The following PDZD9 variants were observed in gnomAD, a reference collection of about 807,000 sequenced individuals.
PDZD9 encodes the protein PDZ domain-containing protein 9.
PDZD9 carries 13 observed loss-of-function variants against 16.3 expected under a neutral mutation model. The ratio of observed to expected loss-of-function variants is 0.80; its 90% CI spans 0.52 to 1.27. The LOEUF (loss-of-function observed/expected upper bound fraction) is 1.27. Ranked by LOEUF, PDZD9 falls within the 50% of genes most tolerant of loss-of-function variation. The pLI is 0.00. For synonymous variants in PDZD9, 120 were observed against 111.0 expected (o/e 1.08, Z -0.51); for missense variants, 288 against 310.9 (o/e 0.93, Z 0.55).
the PDZD9 span, among the ~76,000 whole-genome samples, chr16:21,963,542 C>T: frequency 6.6e-6 from 1 of 152,098 alleles, no homozygotes; most frequent in Non-Finnish European, 1.5e-5. Context: ...AATCTCACTG[C>T]AGCCTGAACC....
chr16:21,990,125 T>C (rs554131730), intron 2 of PDZD9, among the ~76,000 whole-genome samples: 219 of 152,270 alleles, frequency 1.4e-3, no homozygotes, highest in African/African-American at 4.7e-3. Flanking sequence ...TTAACAGAAG[T>C]GTTTTCTGTT....
At chr16:21,978,936 G>A (rs186600047), downstream of PDZD9, among the ~76,000 whole-genome samples, 171 of 152,260 alleles carry the variant, frequency 1.1e-3, 1 homozygote, top group African/African-American at 3.9e-3. Flanking sequence ...TAAACAGACA[G>A]CAGAAGCTCT....
chr16:21,972,055 A>C, the PDZD9 span: 4 of 1,614,164 alleles, frequency 2.5e-6, no homozygotes, highest in Non-Finnish European at 3.4e-6. Flanking sequence ...CCACATGTCA[A>C]GAGGGGCAGC....
In PDZD9 at chr16:21,988,107, G is replaced by A. The variant is rs1038208361; in HGVS notation, c.401+495C>T. ...ACTGCAACCTCCGACTCCCTGATTCGAGCGATTCTCCTGCCTCAGCCTCCC... is the reference window on the plus strand; with the variant it reads ...ACTGCAACCTCCGACTCCCTGATTCAAGCGATTCTCCTGCCTCAGCCTCCC... On this transcript the variant is annotated intron_variant, in intron 3 of 3. Transcript: ENST00000424898. Among the ~76,000 whole-genome samples the A allele has an allele frequency of 2.8e-5, 4 of 145,346 alleles. No individual in the cohort carries two copies. In the East Asian group the frequency reaches 6.0e-4, roughly 22 times the overall value.
At chr16:21,971,683 A>G in the PDZD9 span, 2 of 1,529,776 alleles carry the variant, frequency 1.3e-6, no homozygotes, top group Non-Finnish European at 1.8e-6. Flanking sequence ...AGAATAGCAT[A>G]TTGAGGTGGA....
downstream of PDZD9, among the ~76,000 whole-genome samples, chr16:21,980,992 T>C (rs1022003226): frequency 6.6e-6 from 1 of 152,184 alleles, no homozygotes; most frequent in African/African-American, 2.4e-5. Flanking sequence ...TTAATACACC[T>C]AACGTATCAA....
rs767062900 is a variant in PDZD9 at position 21,996,307 on chromosome 16, C to T, written c.211+15G>A. On this transcript the variant is annotated intron_variant, in intron 2 of 3. Transcript: ENST00000424898. ...CAGGATGGGTGGTTGGGAAGCATGGCGAAAGGGCAATCACCTGGCTGGAGT... is the reference window on the plus strand; with the variant it reads ...CAGGATGGGTGGTTGGGAAGCATGGTGAAAGGGCAATCACCTGGCTGGAGT... 2.9e-5 allele frequency: 44 copies of T among 1,531,626 alleles called. No homozygotes were observed. Among genetic ancestry groups the T allele is most frequent in the Non-Finnish European group, 3.5e-5 (40 of 1,144,704 alleles). The allele number at this position is 1,531,626 out of a possible 1,614,324, so 94.9% of individuals were successfully genotyped here. A position where few individuals can be genotyped will look rare whatever the true frequency, so the allele number is the denominator to read the frequency against.
At chr16:21,962,546 G>T in the PDZD9 span, 3 of 1,613,800 alleles carry the variant, frequency 1.9e-6, no homozygotes, top group Non-Finnish European at 2.5e-6. Context: ...TAGGACTTCT[G>T]CTTTGAAAGA....
At chr16:21,960,511 T>G in the PDZD9 span, among the ~76,000 whole-genome samples, 2 of 152,208 alleles carry the variant, frequency 1.3e-5, no homozygotes, top group Admixed American at 1.3e-4. Flanking sequence ...TTCATATCAT[T>G]TATGTGTTCA....
At chr16:21,971,931 C>T in the PDZD9 span, 7 of 1,613,928 alleles carry the variant, frequency 4.3e-6, no homozygotes, top group African/African-American at 1.3e-5. Context: ...AGGTGAAATC[C>T]GAGAACAGAA....
the PDZD9 span, chr16:21,959,516 TC>T: frequency 6.4e-6 from 1 of 155,708 alleles, no homozygotes; most frequent in Non-Finnish European, 1.4e-5. Context: ...TGCAGTTTCT[TC>T]CCCCTCTGAA....
the PDZD9 span, among the ~76,000 whole-genome samples, chr16:21,965,079 A>G: frequency 6.6e-6 from 1 of 152,188 alleles, no homozygotes; most frequent in East Asian, 1.9e-4. Flanking sequence ...AGATGGCGGC[A>G]GAACCATAAC....
At chr16:21,968,563 T>C in the PDZD9 span, 1 of 1,447,748 alleles carries the variant, frequency 6.9e-7, no homozygotes, top group South Asian at 1.3e-5. Context: ...AACTGTACTT[T>C]TATGTTTTTA....
At chr16:21,967,592 C>T in the PDZD9 span, among the ~76,000 whole-genome samples, 1 of 152,080 alleles carries the variant, frequency 6.6e-6, no homozygotes, top group Non-Finnish European at 1.5e-5. Flanking sequence ...ATCTTCAGAT[C>T]GCCTGAGTGG....
chr16:22,000,040 CAAA>C (rs781141020), intron 1 of PDZD9, among the ~76,000 whole-genome samples: 4 of 131,914 alleles, frequency 3.0e-5, no homozygotes, highest in Admixed American at 7.7e-5. Flanking sequence ...GACTCTGTCT[CAAA>C]AAAAAAAAAA....
At chr16:21,960,684 T>G in the PDZD9 span, among the ~76,000 whole-genome samples, 1 of 152,180 alleles carries the variant, frequency 6.6e-6, no homozygotes, top group Non-Finnish European at 1.5e-5. Context: ...CTTTCACTTG[T>G]ATACTTAGGG....
chr16:21,962,322 G>A, the PDZD9 span: 1 of 974,564 alleles, frequency 1.0e-6, no homozygotes, highest in Non-Finnish European at 1.5e-6. Context: ...GTTAATATGT[G>A]GAGTTTTGTT....
At chr16:21,974,024 C>A in the PDZD9 span, 1 of 1,465,722 alleles carries the variant, frequency 6.8e-7, no homozygotes. Flanking sequence ...GTTATTTCTC[C>A]CCCCCGCCAT....
At chr16:21,983,131 G>C, downstream of PDZD9, 1 of 1,614,152 alleles carries the variant, frequency 6.2e-7, no homozygotes, top group Non-Finnish European at 8.5e-7. Context: ...ATGGCAGCAA[G>C]TGGAAATTTG....
Sources: allele counts gnomAD v4.1 joint callset (sites outside exome capture counted in the v4.1 genomes callset), GRCh38; gene constraint gnomAD v4.1.1; transcripts MANE v1.5; gene names NCBI Gene and HGNC (gene_info 2026-07-23, HGNC 2026-07-21).